Variants in ARMC9 observed in about 807,000 individuals in gnomAD.
The protein encoded by ARMC9 is lisH domain-containing protein ARMC9.
A neutral mutation model predicts 107.0 loss-of-function variants in ARMC9; 94 were observed. That is an observed-to-expected ratio of 0.88 (90% CI 0.74 to 1.04). The LOEUF (loss-of-function observed/expected upper bound fraction) is 1.04, where lower values mean the gene tolerates loss of function less well. ARMC9 is among the 50% of genes least tolerant of loss of function. ARMC9 has a pLI of 0.00. For missense variants in ARMC9, 942 were observed against 1,030.1 expected (o/e 0.91, Z 1.17); for synonymous variants, 380 against 396.9 (o/e 0.96, Z 0.51).
chr2:231,260,103 ATAC>A (rs992427960), intron 11 of ARMC9, among the ~76,000 whole-genome samples: 3 of 152,198 alleles, frequency 2.0e-5, no homozygotes, highest in African/African-American at 7.2e-5. Flanking sequence ...TTTGCGACAA[ATAC>A]TACTTTCCAA....
intron 9 of ARMC9, among the ~76,000 whole-genome samples, chr2:231,250,238 T>A (rs557774168): frequency 6.6e-5 from 10 of 152,314 alleles, no homozygotes; most frequent in African/African-American, 2.4e-4. Flanking sequence ...TTTTTCTGAC[T>A]GGTGATTGGT....
chr2:231,352,549 C>T (rs1466515786), intron 21 of ARMC9, among the ~76,000 whole-genome samples: 1 of 151,458 alleles, frequency 6.6e-6, no homozygotes, highest in East Asian at 1.9e-4. Context: ...ATCTGGGACT[C>T]CTGACCTCAA....
chr2:231,270,656 A>T (rs2039242950), intron 12 of ARMC9: 2 of 518,270 alleles, frequency 3.9e-6, no homozygotes, highest in South Asian at 3.1e-5. Context: ...CAAATTAGTC[A>T]TGTGTCTTGG....
intron 21 of ARMC9, among the ~76,000 whole-genome samples, chr2:231,346,364 A>G (rs1385051235): frequency 6.6e-6 from 1 of 151,988 alleles, no homozygotes; most frequent in Non-Finnish European, 1.5e-5. Context: ...TACTAAAAAT[A>G]CAAAAAATTA....
intron 23 of ARMC9, among the ~76,000 whole-genome samples, chr2:231,365,394 T>C (rs2045773780): frequency 6.6e-6 from 1 of 152,108 alleles, no homozygotes; most frequent in Admixed American, 6.6e-5. Context: ...CCTCGGGAGA[T>C]GCTGAGTCTT....
rs532863384 is a variant in ARMC9, at chr2:231,301,976, A to C, written c.1773+5723A>C. Among the ~76,000 whole-genome samples, 78 of 147,702 alleles carry C rather than the reference A, an allele frequency of 5.3e-4. 1 individual carries two copies. The highest frequency in any genetic ancestry group is 5.1e-3 in the Admixed American group (75 of 14,760). ...CCTGGGCAGAGCAAGACTCCATCTC[A>C]AAAAAAAAAAGTTAAATATATTCGC... On this transcript the variant is annotated intron_variant, in intron 19 of 24. Coordinates refer to ENST00000611582, the MANE Select transcript of ARMC9 (RefSeq NM_001352754.2).
In ARMC9 at chr2:231,247,095, A is replaced by G. The variant is rs555733294; in HGVS notation, c.879+7054A>G. Among the ~76,000 whole-genome samples the G allele has an allele frequency of 2.2e-4, 33 of 152,154 alleles. No homozygotes were observed. The East Asian group carries it at 5.8e-3, about 27-fold the overall frequency. ...CTCAGCCTCCCGAGTAGCTGGGACT[A>G]CAGGCTCCCGCCACCATGCCCTGCT... On this transcript the variant is annotated intron_variant, in intron 9 of 24. Transcript: ENST00000611582.
intron 18 of ARMC9, 70 bp downstream of exon 18, chr2:231,291,513 T>C: frequency 6.6e-7 from 1 of 1,509,048 alleles, no homozygotes; most frequent in Non-Finnish European, 9.1e-7. Flanking sequence ...ACACATGGCA[T>C]TTCATTCAAG....
chr2:231,283,551 T>G (rs978422778), intron 17 of ARMC9, among the ~76,000 whole-genome samples: 1 of 152,130 alleles, frequency 6.6e-6, no homozygotes, highest in African/African-American at 2.4e-5. Flanking sequence ...TGTCTCAGCC[T>G]CCCAAGTAGC....
intron 20 of ARMC9, among the ~76,000 whole-genome samples, chr2:231,336,227 T>A (rs1212071971): frequency 1.3e-5 from 2 of 151,384 alleles, no homozygotes; most frequent in African/African-American, 4.9e-5. Context: ...TTTTTTTTTT[T>A]AATTTCATAG....
intron 8 of ARMC9, among the ~76,000 whole-genome samples, chr2:231,236,035 C>T (rs1385702950): frequency 6.6e-6 from 1 of 152,202 alleles, no homozygotes; most frequent in Non-Finnish European, 1.5e-5. Flanking sequence ...GATCCTCCCA[C>T]CTTGGCGTCC....
At chr2:231,369,209 TG>T (rs1194318173) in intron 23 of ARMC9, among the ~76,000 whole-genome samples, 2 of 152,240 alleles carry the variant, frequency 1.3e-5, no homozygotes, top group Non-Finnish European at 2.9e-5. Flanking sequence ...CTCCATGGCA[TG>T]GGGATTCTTG....
chr2:231,327,057 G>A lies in ARMC9; in HGVS notation c.1774-4736G>A, dbSNP rs891313625. Among the ~76,000 whole-genome samples the A allele has an allele frequency of 3.9e-5, 6 of 152,048 alleles. No homozygotes were observed. The East Asian group carries it at 9.6e-4, about 24-fold the overall frequency. On this transcript the variant is annotated intron_variant, in intron 19 of 24. Transcript: ENST00000611582. Reference sequence around the variant, plus strand: ...CCTCCTTCCCATTTTTCCCTCCATAGCCAGCAGCTTCCCTCTTTCTGAGTT... The same window carrying A: ...CCTCCTTCCCATTTTTCCCTCCATAACCAGCAGCTTCCCTCTTTCTGAGTT...
At chr2:231,261,240 C>T (rs949573828) in intron 11 of ARMC9, among the ~76,000 whole-genome samples, 6 of 152,192 alleles carry the variant, frequency 3.9e-5, no homozygotes, top group African/African-American at 7.2e-5. Context: ...CATATCCCAC[C>T]TCACACCTGT....
intron 1 of ARMC9, among the ~76,000 whole-genome samples, chr2:231,201,032 T>C (rs1280744890): frequency 6.6e-6 from 1 of 152,088 alleles, no homozygotes; most frequent in African/African-American, 2.4e-5. Flanking sequence ...AGGAGTTCGC[T>C]GTTGGCAGGG....
chr2:231,214,784 G>A, intron 3 of ARMC9, 47 bp from the exon 4 acceptor site: 7 of 1,586,312 alleles, frequency 4.4e-6, no homozygotes, highest in Non-Finnish European at 6.0e-6. Flanking sequence ...AGAATTTTGG[G>A]TGTTGAAATT....
intron 20 of ARMC9, among the ~76,000 whole-genome samples, chr2:231,339,778 A>G (rs1464051622): frequency 6.6e-6 from 1 of 152,242 alleles, no homozygotes; most frequent in Non-Finnish European, 1.5e-5. Flanking sequence ...CTTAAAATAC[A>G]AAAATTATTC....
chr2:231,365,759 C>T (rs1180471209), intron 23 of ARMC9, among the ~76,000 whole-genome samples: 1 of 152,170 alleles, frequency 6.6e-6, no homozygotes, highest in East Asian at 1.9e-4. Context: ...CTTGGCGACA[C>T]GTCTCAAGCT....
chr2:231,341,056 G>C (rs1018772004), intron 20 of ARMC9, among the ~76,000 whole-genome samples: 12 of 152,058 alleles, frequency 7.9e-5, no homozygotes, highest in Non-Finnish European at 1.3e-4. Flanking sequence ...ATTAGCTATG[G>C]TGACGCATGC....
Sources: allele counts gnomAD v4.1 joint callset (sites outside exome capture counted in the v4.1 genomes callset), GRCh38; gene constraint gnomAD v4.1.1; transcripts MANE v1.5; gene names NCBI Gene and HGNC (gene_info 2026-07-23, HGNC 2026-07-21).